Variants in ITGA11 observed in about 807,000 individuals in gnomAD.
ITGA11 encodes the protein integrin alpha-11.
Under a neutral mutation model 141.9 loss-of-function variants are expected in ITGA11, and 97 were observed. The observed-to-expected ratio is 0.68, with a 90% CI of 0.58 to 0.81. ITGA11 has a LOEUF of 0.81. ITGA11 is among the 30% of genes least tolerant of loss of function. ITGA11 has a pLI of 0.00. For missense variants in ITGA11, 1,387 were observed against 1,559.2 expected (o/e 0.89, Z 1.86); for synonymous variants, 658 against 624.6 (o/e 1.05, Z -0.80).
chr15:68,379,198 G>GAGC (rs1000411078), intron 2 of ITGA11, among the ~76,000 whole-genome samples: 2 of 152,192 alleles, frequency 1.3e-5, no homozygotes, highest in Non-Finnish European at 2.9e-5. Flanking sequence ...ACCTCTGCAT[G>GAGC]AGCAGTCTCC....
rs374229835 is a variant in ITGA11 at position 68,364,515 on chromosome 15, C to A, written c.357+192G>T. 4.6e-5 allele frequency among the ~76,000 whole-genome samples: 7 copies of A among 152,334 alleles called. No homozygotes were observed. In the South Asian group the frequency reaches 1.5e-3, roughly 32 times the overall value. On this transcript the variant is annotated intron_variant, in intron 4 of 29. Transcript: ENST00000315757. ...TGCCAAAACACCCAGGGCCCTGCCA[C>A]CCGGAATGGCATAAGCAGGGAGCTG... is the stretch of plus-strand genomic sequence containing the variant.
In ITGA11 at chr15:68,302,890, C is replaced by T. The variant is rs1893076699; in HGVS notation, c.*169G>A. On this transcript the variant is annotated 3_prime_UTR_variant, in exon 30 of 30. Transcript: ENST00000315757. ...GTAGGGCAGTTCCACTTAAAACCAGCTTGAGTTCCATTCTGGAGGGAGCAG... is the reference window on the plus strand; with the variant it reads ...GTAGGGCAGTTCCACTTAAAACCAGTTTGAGTTCCATTCTGGAGGGAGCAG... The T allele has an allele frequency of 1.7e-6, 1 of 597,430 alleles. No homozygotes were observed. Among genetic ancestry groups the T allele is most frequent in the Admixed American group, 3.0e-5 (1 of 33,058 alleles). 37.0% of individuals were successfully genotyped at this position (597,430 alleles called of 1,614,324 possible).
At chr15:68,365,057 T>C in intron 3 of ITGA11, 1 of 840,690 alleles carries the variant, frequency 1.2e-6, no homozygotes, top group Non-Finnish European at 1.4e-6. Context: ...CCGAGCCTTC[T>C]ATCTCCTAGC....
chr15:68,341,466 G>A (rs918488153), intron 10 of ITGA11, among the ~76,000 whole-genome samples: 1 of 152,254 alleles, frequency 6.6e-6, no homozygotes, highest in Non-Finnish European at 1.5e-5. Flanking sequence ...TTGAGGTTCA[G>A]AGGGGGAAGG....
chr15:68,424,305 G>C (rs1470054644), intron 1 of ITGA11, among the ~76,000 whole-genome samples: 21 of 152,328 alleles, frequency 1.4e-4, no homozygotes, highest in Non-Finnish European at 1.3e-4. Flanking sequence ...TGAGAGTCAG[G>C]AGAACTGGTT....
At chr15:68,363,999 C>T (rs567688427) in intron 4 of ITGA11, among the ~76,000 whole-genome samples, 3 of 152,340 alleles carry the variant, frequency 2.0e-5, no homozygotes, top group Non-Finnish European at 4.4e-5. Flanking sequence ...GGTCTCTATT[C>T]ATTGCTGAAT....
At chr15:68,381,822 C>T (rs1251728899) in intron 2 of ITGA11, among the ~76,000 whole-genome samples, 2 of 152,208 alleles carry the variant, frequency 1.3e-5, no homozygotes, top group African/African-American at 4.8e-5. Context: ...TCCCAAAGTG[C>T]TGGGATTATA....
chr15:68,362,844 A>T (rs1216804818), intron 4 of ITGA11, among the ~76,000 whole-genome samples: 3 of 152,110 alleles, frequency 2.0e-5, no homozygotes, highest in Non-Finnish European at 4.4e-5. Flanking sequence ...TGGATGATGG[A>T]TGGATAGATG....
intron 2 of ITGA11, among the ~76,000 whole-genome samples, chr15:68,370,834 T>G (rs961327107): frequency 6.6e-6 from 1 of 152,164 alleles, no homozygotes; most frequent in African/African-American, 2.4e-5. Flanking sequence ...AGCCACCACA[T>G]GCCAGCGGAG....
Position 68,302,215 on chromosome 15 carries a change from A to G in ITGA11, c.*844T>C, listed in dbSNP as rs1893056564. ...TCCATGTCTAGGGGCAGGCTGCAGC[A>G]AGAAGACGTGGGAATGCACAGCCCC... is the stretch of plus-strand genomic sequence containing the variant. On this transcript the variant is annotated 3_prime_UTR_variant, in exon 30 of 30. Transcript: ENST00000315757. 6.6e-6 allele frequency: 1 copy of G among 152,184 alleles called. No homozygotes were observed. The highest frequency in any genetic ancestry group is 2.1e-4 in the South Asian group (1 of 4,830). The allele number at this position is 152,184 out of a possible 1,614,324, so 9.4% of individuals were successfully genotyped here. A position where few individuals can be genotyped will look rare whatever the true frequency, so the allele number is the denominator to read the frequency against.
intron 7 of ITGA11, among the ~76,000 whole-genome samples, chr15:68,354,834 G>T (rs959506030): frequency 3.9e-5 from 6 of 152,178 alleles, no homozygotes; most frequent in Non-Finnish European, 7.3e-5. Flanking sequence ...CATGTTCATG[G>T]CCTGGATCTT....
rs55848960 is a variant in ITGA11 at position 68,330,305 on chromosome 15, A to G, written c.1901+676T>C. On this transcript the variant is annotated intron_variant, in intron 15 of 29. Coordinates refer to ENST00000315757, the MANE Select transcript of ITGA11 (RefSeq NM_001004439.2). ...GTTGTAGGCAAATATGATTGCATTTATATAAAATTACAGGCAAGGGAAAAA... is the reference window on the plus strand; with the variant it reads ...GTTGTAGGCAAATATGATTGCATTTGTATAAAATTACAGGCAAGGGAAAAA... Among the ~76,000 whole-genome samples, 519 of 152,326 alleles carry G rather than the reference A, an allele frequency of 3.4e-3. 3 individuals carry two copies. The highest frequency in any genetic ancestry group is 0.012 in the African/African-American group (493 of 41,572).
intron 1 of ITGA11, among the ~76,000 whole-genome samples, chr15:68,411,263 G>T (rs1896765162): frequency 6.6e-6 from 1 of 152,206 alleles, no homozygotes; most frequent in African/African-American, 2.4e-5. Context: ...AATGTGTTGA[G>T]TTAAAGTAGA....
At position 68,328,159 on chromosome 15, in the gene ITGA11, G is replaced by A. The variant is rs753181817; in HGVS notation, c.2005C>T (p.Leu669=). The A allele has an allele frequency of 6.2e-7, 1 of 1,613,852 alleles. No individual in the cohort carries two copies. The highest frequency in any genetic ancestry group is 1.3e-5 in the African/African-American group (1 of 74,936). Residue 669 remains leucine (L), a synonymous_variant, in exon 16 of 30, where the codon CTG becomes TTG. Transcript: ENST00000315757. The surrounding 1 kb of genome is among the most constrained non-coding windows in gnomAD (Gnocchi z 4.8). ...CKRSGRDATC[L]AAFLCFTPIF... ...GGCGTGAAGCAGAGGAAGGCGGCCA[G>A]GCAGGTGGCATCCCTGCCACTGCGC...
Position 68,331,020 on chromosome 15 carries a change from T to C in ITGA11, c.1862A>G (p.Asp621Gly), listed in dbSNP as rs1894137711. The C allele has an allele frequency of 1.2e-6, 2 of 1,613,650 alleles. No individual in the cohort carries two copies. The highest frequency in any genetic ancestry group is 1.3e-5 in the African/African-American group (1 of 74,976). ...QLDLNEDGLI[D>G]LAVGALGNAV... Reference sequence around the variant, plus strand: ...GTTGCCAAGGGCTCCCACTGCCAGGTCGATGAGCCCATCCTCATTGAGGTC... The same window carrying C: ...GTTGCCAAGGGCTCCCACTGCCAGGCCGATGAGCCCATCCTCATTGAGGTC... The change falls in exon 15 of 30, where the codon GAC becomes GGC. Residue 621 changes from aspartate to glycine, a missense_variant. Asp to Gly is a moderately conservative substitution (Grantham distance 94). Coordinates refer to ENST00000315757, the MANE Select transcript of ITGA11 (RefSeq NM_001004439.2).
At chr15:68,420,170 G>A (rs1035573910) in intron 1 of ITGA11, among the ~76,000 whole-genome samples, 1 of 152,186 alleles carries the variant, frequency 6.6e-6, no homozygotes, top group Non-Finnish European at 1.5e-5. Flanking sequence ...ACATTCTGTG[G>A]CATATAGATG....
intron 1 of ITGA11, among the ~76,000 whole-genome samples, chr15:68,404,858 G>T (rs1008226801): frequency 6.6e-6 from 1 of 152,112 alleles, no homozygotes; most frequent in African/African-American, 2.4e-5. Flanking sequence ...TATCATTGTT[G>T]CCCCTTTCAC....
chr15:68,415,470 A>G (rs982620741), intron 1 of ITGA11, among the ~76,000 whole-genome samples: 1 of 152,216 alleles, frequency 6.6e-6, no homozygotes, highest in Non-Finnish European at 1.5e-5. Flanking sequence ...GAAAAGCATC[A>G]TCTGTCCCCA....
chr15:68,405,756 G>C (rs1299927336), intron 1 of ITGA11, among the ~76,000 whole-genome samples: 1 of 152,136 alleles, frequency 6.6e-6, no homozygotes, highest in Non-Finnish European at 1.5e-5. Context: ...AGTGTCACCT[G>C]TGCAGAGCTC....
Sources: allele counts gnomAD v4.1 joint callset (sites outside exome capture counted in the v4.1 genomes callset), GRCh38; gene constraint gnomAD v4.1.1; non-coding constraint Gnocchi (gnomAD v3.1); transcripts MANE v1.5; gene names NCBI Gene and HGNC (gene_info 2026-07-23, HGNC 2026-07-21).